Variants in CAPN9 observed in about 807,000 individuals in gnomAD.
CAPN9 encodes calpain 9, also known as calpain-9.
A neutral mutation model predicts 92.8 loss-of-function variants in CAPN9; 81 were observed. That is an observed-to-expected ratio of 0.87 (90% CI 0.73 to 1.05). The LOEUF (loss-of-function observed/expected upper bound fraction) is 1.05, where lower values mean the gene tolerates loss of function less well. Among genes scored for constraint, CAPN9 ranks in the 50% least tolerant of loss-of-function variants. CAPN9 has a pLI of 0.00. For synonymous variants in CAPN9, 304 were observed against 328.0 expected, an observed-to-expected ratio of 0.93 and a Z score of 0.79; for missense variants, 848 against 866.2, an observed-to-expected ratio of 0.98 and a Z score of 0.26.
chr1:230,748,018 A>G (rs1664538035), intron 1 of CAPN9, among the ~76,000 whole-genome samples: 1 of 152,152 alleles, frequency 6.6e-6, no homozygotes. Flanking sequence ...GGCACGAATC[A>G]AAACCTTATC....
intron 11 of CAPN9, among the ~76,000 whole-genome samples, chr1:230,785,501 T>A (rs1413252343): frequency 6.6e-6 from 1 of 152,082 alleles, no homozygotes; most frequent in African/African-American, 2.4e-5. Flanking sequence ...CGATAGTGAG[T>A]TTGCACGAGA....
chr1:230,754,213 T>C (rs1283790716), intron 1 of CAPN9, among the ~76,000 whole-genome samples: 1 of 152,116 alleles, frequency 6.6e-6, no homozygotes, highest in Non-Finnish European at 1.5e-5. Context: ...TCCCTCTCTC[T>C]TTGTTGTCGT....
chr1:230,775,153 C>T (rs1241077387), intron 8 of CAPN9, among the ~76,000 whole-genome samples: 1 of 152,122 alleles, frequency 6.6e-6, no homozygotes, highest in Non-Finnish European at 1.5e-5. Context: ...CACCCCAGCT[C>T]TCGGTTTGTT....
chr1:230,789,951 A>G (rs1667867748), intron 13 of CAPN9, among the ~76,000 whole-genome samples, 181 bp from the exon 14 acceptor site: 1 of 152,188 alleles, frequency 6.6e-6, no homozygotes, highest in Admixed American at 6.5e-5. Flanking sequence ...TCCCTAAAAC[A>G]TGTGACATAT....
chr1:230,801,603 C>T lies in CAPN9; in HGVS notation c.*7C>T. ...TTTGACAATGAACATCTGAGGCTGCCTTGTAGAGATGCAGCCTGCCCAGCT... is the reference window on the plus strand; with the variant it reads ...TTTGACAATGAACATCTGAGGCTGCTTTGTAGAGATGCAGCCTGCCCAGCT... On this transcript the variant is annotated 3_prime_UTR_variant, in exon 20 of 20. Transcript: ENST00000271971. 1.1e-5 allele frequency: 18 copies of T among 1,612,860 alleles called. No individual in the cohort carries two copies. The highest frequency in any genetic ancestry group is 1.5e-5 in the Non-Finnish European group (18 of 1,178,846).
chr1:230,748,618 G>A (rs1285671734), intron 1 of CAPN9, among the ~76,000 whole-genome samples: 6 of 152,112 alleles, frequency 3.9e-5, no homozygotes, highest in Non-Finnish European at 2.9e-5. Context: ...AATGGCTAAT[G>A]CAGGCCAATG....
intron 18 of CAPN9, among the ~76,000 whole-genome samples, chr1:230,796,029 TAAA>T (rs34471137): frequency 1.4e-5 from 2 of 139,794 alleles, no homozygotes; most frequent in Non-Finnish European, 3.1e-5. Flanking sequence ...AATACTTGAT[TAAA>T]AAAAAAAAAA....
intron 3 of CAPN9, among the ~76,000 whole-genome samples, chr1:230,761,290 G>A (rs115180542): frequency 4.1e-4 from 62 of 152,176 alleles, no homozygotes; most frequent in Non-Finnish European, 6.8e-4. Flanking sequence ...GCAGGTGTGC[G>A]TGCTAGGAAG....
intron 8 of CAPN9, 114 bp downstream of exon 8, chr1:230,774,745 T>TC (rs1390759205): frequency 4.0e-5 from 26 of 656,768 alleles, no homozygotes; most frequent in Non-Finnish European, 5.0e-5. Flanking sequence ...CTTTCTTTTT[T>TC]TTTTTTTTTT....
At chr1:230,760,573 C>A (rs1441664624) in intron 3 of CAPN9, among the ~76,000 whole-genome samples, 3 of 152,230 alleles carry the variant, frequency 2.0e-5, no homozygotes, top group African/African-American at 7.2e-5. Context: ...AGAGAGTGAG[C>A]AGGTCACATG....
Position 230,762,599 on chromosome 1 carries a change from T to C in CAPN9, c.403-54T>C. 5.0e-6 allele frequency: 8 copies of C among 1,597,336 alleles called. No homozygotes were observed. The South Asian group carries it at 6.8e-5, about 14-fold the overall frequency. On this transcript the variant is annotated intron_variant, in intron 3 of 19. Coordinates refer to ENST00000271971, the MANE Select transcript of CAPN9 (RefSeq NM_006615.3). The stretch of plus-strand genomic sequence containing the variant: ...AGGATCAACATTTACAAACAGGGCC[T>C]GGAGCTCCCATGTAGCTGACTCGCA...
At chr1:230,752,364 C>T (rs1664903772) in intron 1 of CAPN9, among the ~76,000 whole-genome samples, 1 of 152,234 alleles carries the variant, frequency 6.6e-6, no homozygotes, top group Non-Finnish European at 1.5e-5. Context: ...GTCACACATC[C>T]AGACACCTCC....
chr1:230,762,061 G>C (rs959546839), intron 3 of CAPN9, among the ~76,000 whole-genome samples: 1 of 152,192 alleles, frequency 6.6e-6, no homozygotes, highest in South Asian at 2.1e-4. Context: ...GTATACACAT[G>C]TGTGCGCACA....
intron 5 of CAPN9, among the ~76,000 whole-genome samples, chr1:230,768,753 T>TG (rs1011706750): frequency 2.4e-4 from 37 of 152,290 alleles, no homozygotes; most frequent in Admixed American, 2.2e-3. Flanking sequence ...AGATTAGCCT[T>TG]GGGGTCTGTT....
chr1:230,777,606 C>T (rs1666897676), intron 8 of CAPN9, among the ~76,000 whole-genome samples: 1 of 152,080 alleles, frequency 6.6e-6, no homozygotes, highest in African/African-American at 2.4e-5. Context: ...TCTCTCCTGT[C>T]CTCTACAGCA....
At chr1:230,769,365 C>A in intron 6 of CAPN9, 102 bp downstream of exon 6, 1 of 827,922 alleles carries the variant, frequency 1.2e-6, no homozygotes, top group Non-Finnish European at 1.9e-6. Context: ...GTCTGCCTTT[C>A]AGGCATTTCA....
In CAPN9 at chr1:230,751,592, AG is replaced by A. The variant is rs1664788409; in HGVS notation, c.214-3744del. ...AAAGAAAGAAGAAAGAAACAAAGAA[AG>A]AAAGAAAGAAAGAAAGAGAAAGAAA... On this transcript the variant is annotated intron_variant, in intron 1 of 19. Transcript: ENST00000271971. 4.2e-4 allele frequency among the ~76,000 whole-genome samples: 7 copies of A among 16,822 alleles called. 1 individual carries two copies. Among genetic ancestry groups the A allele is most frequent in the African/African-American group, 1.9e-3 (7 of 3,646 alleles). The allele number at this position is 16,822 out of a possible 152,430, so 11.0% of individuals were successfully genotyped here. A position where few individuals can be genotyped will look rare whatever the true frequency, so the allele number is the denominator to read the frequency against.
chr1:230,755,587 C>T (rs2493146), intron 2 of CAPN9, among the ~76,000 whole-genome samples, 181 bp downstream of exon 2: 75,743 of 152,084 alleles, frequency 0.5, 19,027 homozygotes, highest in African/African-American at 0.56. Flanking sequence ...CCTGCACCTC[C>T]GTTCCTCTAG....
At chr1:230,801,501 C>T (rs1159556714) in intron 19 of CAPN9, 69 bp from the exon 20 acceptor site, 3 of 1,516,162 alleles carry the variant, frequency 2.0e-6, no homozygotes, top group Non-Finnish European at 2.7e-6. Flanking sequence ...ACTGGGGCCA[C>T]TCCTGAGGCT....
Sources: gnomAD v4.1 joint callset for allele counts (sites outside exome capture counted in the v4.1 genomes callset) on GRCh38, gnomAD v4.1.1 for gene constraint, MANE v1.5 for transcripts, NCBI Gene and HGNC (gene_info 2026-07-23, HGNC 2026-07-21) for gene names.